The following MYO5C variants were observed in gnomAD, a reference collection of about 807,000 sequenced individuals.
The protein encoded by MYO5C is myosin VC.
A neutral mutation model predicts 235.7 loss-of-function variants in MYO5C; 194 were observed. That is an observed-to-expected ratio of 0.82 (90% CI 0.73 to 0.93). MYO5C has a LOEUF of 0.93. MYO5C is among the 40% of genes least tolerant of loss of function. The pLI is 0.00. For missense variants in MYO5C, 2,038 were observed against 2,127.2 expected (o/e 0.96, Z 0.82); for synonymous variants, 707 against 754.8 (o/e 0.94, Z 1.04).
chr15:52,279,092 A>C, intron 3 of MYO5C, 75 bp from the exon 4 acceptor site: 1 of 1,434,724 alleles, frequency 7.0e-7, no homozygotes, highest in Non-Finnish European at 9.6e-7. Flanking sequence ...TTTTTAAGAA[A>C]CCCCAGCTCT....
Position 52,223,643 on chromosome 15 carries a change from G to A in MYO5C, c.3528C>T (p.Leu1176=), listed in dbSNP as rs748416603. ...TCTGCAGGTGGTTGATTTCTTGACT[G>A]AGATGCACCACTTTGAAGTTCAAAG... ...IEALNFKVVH[L]SQEINHLQKL... The change falls in exon 29 of 41, where the codon CTC becomes CTT. Residue 1176 remains leucine, a synonymous_variant. Transcript: ENST00000261839. 1.9e-6 allele frequency: 3 copies of A among 1,614,014 alleles called. No individual in the cohort carries two copies. The African/African-American group carries it at 4.0e-5, about 22-fold the overall frequency.
rs760360966 is a variant in MYO5C at position 52,269,741 on chromosome 15, A to AT, written c.940+11dup. On this transcript the variant is annotated intron_variant, in intron 8 of 40. Transcript: ENST00000261839. ...AAATGGCTACATACTTGGATGGGAT[A>AT]TTTTCCCTTACCCAGAAGCGTGAAG... 3.4e-4 allele frequency: 538 copies of AT among 1,576,080 alleles called. 1 individual carries two copies. Among genetic ancestry groups the AT allele is most frequent in the Admixed American group, 7.5e-4 (44 of 58,466 alleles).
rs1355565622 is a variant in MYO5C at position 52,247,452 on chromosome 15, C to T, written c.1881+6G>A. On this transcript the variant is annotated splice_donor_region_variant and intron_variant, in intron 15 of 40. Coordinates refer to ENST00000261839, the MANE Select transcript of MYO5C (RefSeq NM_018728.4). Reference sequence around the variant, plus strand: ...GACCCCTCACTCTCAAACACCTTCTCAGTACCTTGCTCCCAACTGTGGTCC... The same window carrying T: ...GACCCCTCACTCTCAAACACCTTCTTAGTACCTTGCTCCCAACTGTGGTCC... The T allele has an allele frequency of 6.8e-6, 11 of 1,613,408 alleles. No individual in the cohort carries two copies. Among genetic ancestry groups the T allele is most frequent in the Non-Finnish European group, 9.3e-6 (11 of 1,179,562 alleles).
intron 14 of MYO5C, 64 bp from the exon 15 acceptor site, chr15:52,247,656 G>C: frequency 6.4e-7 from 1 of 1,568,724 alleles, no homozygotes; most frequent in Admixed American, 1.8e-5. Context: ...ACTCATACAA[G>C]CCACGTAAAT....
chr15:52,261,435 GC>G (rs2036692494), intron 9 of MYO5C, among the ~76,000 whole-genome samples: 1 of 152,210 alleles, frequency 6.6e-6, no homozygotes, highest in African/African-American at 2.4e-5. Context: ...GGCCATAGAG[GC>G]CACCCTCTCT....
At chr15:52,211,944 C>G (rs949633211) in intron 34 of MYO5C, 60 bp from the exon 35 acceptor site, 7 of 1,569,604 alleles carry the variant, frequency 4.5e-6, no homozygotes, top group African/African-American at 1.4e-5. Flanking sequence ...TCCTAAGGAA[C>G]TTGTGACTAG....
intron 29 of MYO5C, among the ~76,000 whole-genome samples, chr15:52,221,709 C>A (rs2035691719): frequency 6.6e-6 from 1 of 152,174 alleles, no homozygotes; most frequent in Non-Finnish European, 1.5e-5. Flanking sequence ...GTTTCTCAAT[C>A]CTTTGTCCCT....
intron 9 of MYO5C, among the ~76,000 whole-genome samples, chr15:52,263,242 GTTTCATAGAAACATTT>G (rs1226998384): frequency 6.6e-6 from 1 of 152,128 alleles, no homozygotes; most frequent in East Asian, 1.9e-4. Context: ...CAGATTCTGT[GTTTCATAGAAACATTT>G]TTTACTTGTG....
At chr15:52,223,797 T>C in intron 28 of MYO5C, 73 bp from the exon 29 acceptor site, 2 of 1,379,336 alleles carry the variant, frequency 1.4e-6, no homozygotes, top group Middle Eastern at 1.9e-4. Flanking sequence ...GAGGCAGTTA[T>C]GAAGACCCAC....
chr15:52,279,812 A>T (rs1376372759), intron 2 of MYO5C, 138 bp from the exon 3 acceptor site: 1 of 822,002 alleles, frequency 1.2e-6, no homozygotes, highest in Non-Finnish European at 1.8e-6. Flanking sequence ...TATAGCAACA[A>T]GAAAATCTTC....
chr15:52,220,782 G>A (rs987046226), intron 30 of MYO5C, among the ~76,000 whole-genome samples: 5 of 150,036 alleles, frequency 3.3e-5, no homozygotes, highest in Non-Finnish European at 1.5e-5. Flanking sequence ...AGCCGAAATC[G>A]CACCATTGCA....
chr15:52,208,295 A>G (rs571287247), intron 36 of MYO5C, among the ~76,000 whole-genome samples: 27 of 152,372 alleles, frequency 1.8e-4, no homozygotes, highest in African/African-American at 6.0e-4. Context: ...TAAACGTCTT[A>G]CAGCCAGAAG....
intron 30 of MYO5C, 76 bp from the exon 31 acceptor site, chr15:52,219,898 C>A (rs765350243): frequency 1.5e-5 from 18 of 1,176,198 alleles, no homozygotes; most frequent in Non-Finnish European, 2.2e-5. Context: ...GTATTATTTT[C>A]AATTTTTAGA....
Position 52,213,175 on chromosome 15 carries a change from C to T in MYO5C, c.4141+13G>A, listed in dbSNP as rs759914220. On this transcript the variant is annotated intron_variant, in intron 34 of 40. Transcript: ENST00000261839. The stretch of plus-strand genomic sequence containing the variant: ...AAGAGAAAGCAAAAATCCAGAGTTC[C>T]AGGTTTCACTACCAAGAATGAGGTT... 5.3e-5 allele frequency: 85 copies of T among 1,608,138 alleles called. No individual in the cohort carries two copies. The highest frequency in any genetic ancestry group is 7.2e-5 in the Non-Finnish European group (84 of 1,174,682).
At position 52,259,015 on chromosome 15, in the gene MYO5C, G is replaced by A. The variant is rs114673340; in HGVS notation, c.1313+1847C>T. Among the ~76,000 whole-genome samples, 389 of 152,190 alleles carry A rather than the reference G, an allele frequency of 2.6e-3. 1 individual carries two copies. The highest frequency in any genetic ancestry group is 8.5e-3 in the African/African-American group (355 of 41,544). On this transcript the variant is annotated intron_variant, in intron 10 of 40. Coordinates refer to ENST00000261839, the MANE Select transcript of MYO5C (RefSeq NM_018728.4). ...AGGACTCATCCTAACCTCTACTGCC[G>A]GCCTGCTGCCCTCACCAGTCTCAGT...
chr15:52,276,126 G>T (rs1057095436), intron 4 of MYO5C, among the ~76,000 whole-genome samples: 1 of 152,066 alleles, frequency 6.6e-6, no homozygotes, highest in Admixed American at 6.5e-5. Flanking sequence ...ACCCTGTGTA[G>T]GTCATCATGC....
chr15:52,260,450 A>G (rs571191366), intron 10 of MYO5C, among the ~76,000 whole-genome samples: 7 of 152,318 alleles, frequency 4.6e-5, no homozygotes, highest in African/African-American at 1.4e-4. Context: ...CTTTGGTGGG[A>G]AAAGCAAAAG....
At position 52,192,325 on chromosome 15, in the gene MYO5C, G is replaced by C. The variant is rs947855608; in HGVS notation, c.*1577C>G. ...TGAAAGAATCTGACCCAATTCATTT[G>C]GTAATTAATTTTATTGATTAAAGTA... On this transcript the variant is annotated 3_prime_UTR_variant, in exon 41 of 41. Coordinates refer to ENST00000261839, the MANE Select transcript of MYO5C (RefSeq NM_018728.4). 6.6e-6 allele frequency: 1 copy of C among 151,946 alleles called. No homozygotes were observed. The highest frequency in any genetic ancestry group is 2.4e-5 in the African/African-American group (1 of 41,318). The allele number at this position is 151,946 out of a possible 1,614,324, so 9.4% of individuals were successfully genotyped here. A position where few individuals can be genotyped will look rare whatever the true frequency, so the allele number is the denominator to read the frequency against.
At chr15:52,198,097 C>A (rs564227109) in intron 38 of MYO5C, among the ~76,000 whole-genome samples, 1 of 152,146 alleles carries the variant, frequency 6.6e-6, no homozygotes, top group South Asian at 2.1e-4. Context: ...CTTTGGGAGA[C>A]CGAGGCAGGC....
Sources: gnomAD v4.1 joint callset for allele counts (sites outside exome capture counted in the v4.1 genomes callset) on GRCh38, gnomAD v4.1.1 for gene constraint, MANE v1.5 for transcripts, NCBI Gene and HGNC (gene_info 2026-07-23, HGNC 2026-07-21) for gene names.